Variants in HEMK2 observed in about 807,000 individuals in gnomAD.
HEMK2 encodes the protein methyltransferase HEMK2.
the HEMK2 span, among the ~76,000 whole-genome samples, chr21:28,726,369 C>T: frequency 0.32 from 49,227 of 151,682 alleles, 8,967 homozygotes; most frequent in East Asian, 0.55. Flanking sequence ...ATGAAATGGG[C>T]GGGACTGGTC....
At chr21:28,771,006 AACAC>A in the HEMK2 span, among the ~76,000 whole-genome samples, 2 of 151,710 alleles carry the variant, frequency 1.3e-5, no homozygotes, top group Admixed American at 6.6e-5. Context: ...ATAAGATTAA[AACAC>A]ACACACACAC....
the HEMK2 span, among the ~76,000 whole-genome samples, chr21:28,635,990 C>G: frequency 6.6e-6 from 1 of 152,074 alleles, no homozygotes; most frequent in East Asian, 1.9e-4. Flanking sequence ...ATGCATAGAC[C>G]ACCCCGTTGC....
the HEMK2 span, among the ~76,000 whole-genome samples, chr21:28,664,035 T>C: frequency 1.3e-5 from 2 of 152,210 alleles, no homozygotes. Flanking sequence ...AAAAACTTTT[T>C]TACAGCTCTA....
At chr21:28,857,561 C>T in the HEMK2 span, among the ~76,000 whole-genome samples, 1 of 152,120 alleles carries the variant, frequency 6.6e-6, no homozygotes, top group Non-Finnish European at 1.5e-5. Context: ...TAGTTAGCTG[C>T]TGTATCATTT....
chr21:28,788,291 C>T, the HEMK2 span, among the ~76,000 whole-genome samples: 2 of 133,176 alleles, frequency 1.5e-5, no homozygotes, highest in Non-Finnish European at 3.0e-5. Context: ...CACACACACA[C>T]ACACACACAC....
the HEMK2 span, among the ~76,000 whole-genome samples, chr21:28,769,701 A>G: frequency 6.6e-6 from 1 of 152,148 alleles, no homozygotes; most frequent in Non-Finnish European, 1.5e-5. Flanking sequence ...TTTCTTAACC[A>G]AATCTACAAA....
chr21:28,819,283 T>C, the HEMK2 span, among the ~76,000 whole-genome samples: 1 of 146,434 alleles, frequency 6.8e-6, no homozygotes, highest in Non-Finnish European at 1.5e-5. Flanking sequence ...CCATGCAGTT[T>C]ATTAGCTCAA....
chr21:28,592,398 G>C, the HEMK2 span, among the ~76,000 whole-genome samples: 1 of 152,204 alleles, frequency 6.6e-6, no homozygotes, highest in South Asian at 2.1e-4. Flanking sequence ...ATCTTGATGA[G>C]AGTGATGATA....
the HEMK2 span, among the ~76,000 whole-genome samples, chr21:28,848,182 A>T: frequency 6.6e-6 from 1 of 152,222 alleles, no homozygotes; most frequent in African/African-American, 2.4e-5. Context: ...TTTGACAGGA[A>T]TAGCATTCAT....
the HEMK2 span, among the ~76,000 whole-genome samples, chr21:28,816,776 G>A: frequency 5.7e-3 from 864 of 152,316 alleles, 4 homozygotes; most frequent in Non-Finnish European, 8.7e-3. Context: ...AAAATGCTGC[G>A]CAAAGAAAAG....
the HEMK2 span, among the ~76,000 whole-genome samples, chr21:28,668,470 A>G: frequency 6.6e-6 from 1 of 152,302 alleles, no homozygotes; most frequent in Admixed American, 6.5e-5. Context: ...AGAAGTTTTT[A>G]TCATGGCAGA....
the HEMK2 span, among the ~76,000 whole-genome samples, chr21:28,627,909 T>A: frequency 6.6e-6 from 1 of 152,186 alleles, no homozygotes; most frequent in East Asian, 1.9e-4. Context: ...AGTCTCTGAC[T>A]GGTTGCTGGC....
chr21:28,621,179 C>CCCT, the HEMK2 span, among the ~76,000 whole-genome samples: 1 of 152,092 alleles, frequency 6.6e-6, no homozygotes, highest in Non-Finnish European at 1.5e-5. Flanking sequence ...TTAGATCTTT[C>CCCT]CCTCTTTCTC....
At chr21:28,745,444 C>A in the HEMK2 span, among the ~76,000 whole-genome samples, 1 of 152,184 alleles carries the variant, frequency 6.6e-6, no homozygotes, top group African/African-American at 2.4e-5. Context: ...TAGACCCGGA[C>A]GAGAGGGGCC....
At chr21:28,838,998 T>TATACATATATATATATATATAC in the HEMK2 span, among the ~76,000 whole-genome samples, 1 of 57,974 alleles carries the variant, frequency 1.7e-5, no homozygotes, top group Non-Finnish European at 2.8e-5. Flanking sequence ...TATATATATA[T>TATACATATATATATATATATAC]ATACATATAT....
At chr21:28,830,428 T>TC in the HEMK2 span, among the ~76,000 whole-genome samples, 2 of 152,202 alleles carry the variant, frequency 1.3e-5, no homozygotes, top group African/African-American at 4.8e-5. Context: ...ACGGTAAGTT[T>TC]CCTGAGACCT....
At chr21:28,719,794 G>C in the HEMK2 span, among the ~76,000 whole-genome samples, 1 of 152,172 alleles carries the variant, frequency 6.6e-6, no homozygotes, top group South Asian at 2.1e-4. Context: ...TTGACGAAAA[G>C]CAACTCAGCT....
the HEMK2 span, among the ~76,000 whole-genome samples, chr21:28,832,090 A>T: frequency 6.6e-6 from 1 of 152,296 alleles, no homozygotes; most frequent in African/African-American, 2.4e-5. Context: ...AAAGCTTTTG[A>T]TTTGCAGTTT....
the HEMK2 span, among the ~76,000 whole-genome samples, chr21:28,784,133 A>C: frequency 6.6e-6 from 1 of 152,160 alleles, no homozygotes; most frequent in Non-Finnish European, 1.5e-5. Flanking sequence ...CCAAGAGCTG[A>C]AGAGTGCGGG....
Sources: gnomAD v4.1 joint callset for allele counts (sites outside exome capture counted in the v4.1 genomes callset) on GRCh38, gnomAD v4.1.1 for gene constraint, MANE v1.5 for transcripts, NCBI Gene and HGNC (gene_info 2026-07-23, HGNC 2026-07-21) for gene names.